The following TMOD1 variants were observed in gnomAD, a reference collection of about 807,000 sequenced individuals.
TMOD1 encodes the protein tropomodulin-1.
Under a neutral mutation model 40.6 loss-of-function variants are expected in TMOD1, and 17 were observed. The observed-to-expected ratio is 0.42, with a 90% CI of 0.29 to 0.63. The LOEUF (loss-of-function observed/expected upper bound fraction) is 0.63, where lower values mean the gene tolerates loss of function less well. TMOD1 is among the 20% of genes least tolerant of loss of function. TMOD1 has a pLI of 0.22. For missense variants in TMOD1, 391 were observed against 447.6 expected, an observed-to-expected ratio of 0.87 and a Z score of 1.14; for synonymous variants, 181 against 175.0, an observed-to-expected ratio of 1.03 and a Z score of -0.27.
Position 97,505,429 on chromosome 9 carries a change from G to A in TMOD1, c.-49+3626G>A, listed in dbSNP as rs567214124. ...TGGTGACCCCAGGGCCGTTTCTAGC[G>A]ATGATTCTGGAGGGTGATGAGTTGT... is the stretch of plus-strand genomic sequence containing the variant. On this transcript the variant is annotated intron_variant, in intron 1 of 9. Coordinates refer to ENST00000259365, the MANE Select transcript of TMOD1 (RefSeq NM_003275.4). 3.3e-5 allele frequency among the ~76,000 whole-genome samples: 5 copies of A among 152,294 alleles called. No individual in the cohort carries two copies. The South Asian group carries it at 8.3e-4, about 25-fold the overall frequency.
At chr9:97,563,143 T>C (rs1035332991) in intron 5 of TMOD1, among the ~76,000 whole-genome samples, 1 of 152,230 alleles carries the variant, frequency 6.6e-6, no homozygotes, top group African/African-American at 2.4e-5. Flanking sequence ...AGCCTGGACC[T>C]CCTGGGCTTA....
intron 1 of TMOD1, among the ~76,000 whole-genome samples, chr9:97,508,340 C>G (rs1829630835): frequency 6.6e-6 from 1 of 152,026 alleles, no homozygotes; most frequent in African/African-American, 2.4e-5. Context: ...AGGTGCACAC[C>G]ACCACACCTG....
intron 9 of TMOD1, among the ~76,000 whole-genome samples, chr9:97,597,065 T>C (rs2131297158): frequency 6.6e-6 from 1 of 152,332 alleles, no homozygotes; most frequent in East Asian, 1.9e-4. Context: ...AAAAACATGA[T>C]GGAAATGTTC....
At chr9:97,582,860 G>A (rs1332164089) in intron 8 of TMOD1, among the ~76,000 whole-genome samples, 1 of 148,180 alleles carries the variant, frequency 6.7e-6, no homozygotes, top group Admixed American at 6.8e-5. Flanking sequence ...TGTATCCTGA[G>A]ACTTTGCTGA....
intron 4 of TMOD1, among the ~76,000 whole-genome samples, chr9:97,559,730 A>C (rs1420665923): frequency 7.0e-6 from 1 of 142,290 alleles, no homozygotes; most frequent in African/African-American, 2.7e-5. Context: ...ATGCCATTGC[A>C]CTCCAGCCTG....
intron 5 of TMOD1, 50 bp from the exon 6 acceptor site, chr9:97,563,988 A>G: frequency 6.3e-7 from 1 of 1,588,950 alleles, no homozygotes; most frequent in South Asian, 1.2e-5. Flanking sequence ...GTTGGCAGAA[A>G]GTGAGCCCCT....
chr9:97,574,895 T>G (rs1396388626), intron 8 of TMOD1, among the ~76,000 whole-genome samples: 1 of 152,126 alleles, frequency 6.6e-6, no homozygotes, highest in Non-Finnish European at 1.5e-5. Context: ...TCAGGGATTG[T>G]AAACGCACCA....
chr9:97,514,241 G>GGC (rs1829761178), intron 1 of TMOD1, among the ~76,000 whole-genome samples: 2 of 60,212 alleles, frequency 3.3e-5, no homozygotes, highest in African/African-American at 1.1e-4. Flanking sequence ...TTTTTTTTTT[G>GGC]GGGGGGGGGT....
Position 97,600,633 on chromosome 9 carries a change from A to G in TMOD1, c.*935A>G. ...AGTAATGGCCCAGCTTAGAGACTTC[A>G]GCTACTGATCTCATCACTTATTAGA... On this transcript the variant is annotated 3_prime_UTR_variant, in exon 10 of 10. Transcript: ENST00000259365. 1 of 988,226 alleles carries G rather than the reference A, an allele frequency of 1.0e-6. No homozygotes were observed. Among genetic ancestry groups the G allele is most frequent in the Non-Finnish European group, 1.2e-6 (1 of 831,788 alleles). The allele number at this position is 988,226 out of a possible 1,614,324, so 61.2% of individuals were successfully genotyped here.
intron 2 of TMOD1, among the ~76,000 whole-genome samples, chr9:97,535,270 C>G (rs997377361): frequency 6.6e-6 from 1 of 152,122 alleles, no homozygotes; most frequent in South Asian, 2.1e-4. Context: ...CTGCTGGTCC[C>G]GGCAAGACTC....
intron 8 of TMOD1, among the ~76,000 whole-genome samples, chr9:97,574,565 G>C (rs2773355): frequency 0.49 from 75,250 of 152,172 alleles, 18,813 homozygotes; most frequent in Middle Eastern, 0.56. Context: ...TGCGGGCGCA[G>C]GGCGCGGGAC....
At chr9:97,589,142 G>T (rs986662743) in intron 8 of TMOD1, among the ~76,000 whole-genome samples, 30 of 148,010 alleles carry the variant, frequency 2.0e-4, no homozygotes, top group Admixed American at 6.1e-4. Flanking sequence ...AAAAGAAGAA[G>T]AATTAATATT....
In TMOD1 at chr9:97,601,507, C is replaced by T. The variant is rs562750191; in HGVS notation, c.*1809C>T. On this transcript the variant is annotated 3_prime_UTR_variant, in exon 10 of 10. Transcript: ENST00000259365. ...TATCAGAGGAAATCTCTCATAGAAA[C>T]GAAACCAAACCAACAGAAAATGAAG... 2.1e-4 allele frequency: 208 copies of T among 988,984 alleles called. 1 individual carries two copies. The Middle Eastern group carries it at 3.6e-3, about 17-fold the overall frequency. The allele number at this position is 988,984 out of a possible 1,614,324, so 61.3% of individuals were successfully genotyped here.
Position 97,502,197 on chromosome 9 carries a change from G to C in TMOD1, c.-49+394G>C, listed in dbSNP as rs1439184903. Among the ~76,000 whole-genome samples, 3 of 152,284 alleles carry C rather than the reference G, an allele frequency of 2.0e-5. No homozygotes were observed. In the East Asian group the frequency reaches 5.8e-4, roughly 30 times the overall value. ...CAGCGCGGCGGGGCTCTGAGCCCGC[G>C]GGGTGCTCAGCTGGGTACAGGTGCC... is the stretch of plus-strand genomic sequence containing the variant. On this transcript the variant is annotated intron_variant, in intron 1 of 9. Transcript: ENST00000259365. This position sits in a 1 kb window ranked among gnomAD's most constrained non-coding sequence, Gnocchi z 6.1.
intron 2 of TMOD1, among the ~76,000 whole-genome samples, chr9:97,542,471 A>G (rs950388885): frequency 6.6e-6 from 1 of 152,238 alleles, no homozygotes; most frequent in African/African-American, 2.4e-5. Flanking sequence ...GAAATACATT[A>G]AAAAATCTGT....
intron 8 of TMOD1, among the ~76,000 whole-genome samples, chr9:97,578,609 T>C (rs562074457): frequency 6.6e-6 from 1 of 152,192 alleles, no homozygotes; most frequent in South Asian, 2.1e-4. Flanking sequence ...AAGCCTTGGC[T>C]CTGTCATGAA....
chr9:97,553,359 C>G lies in TMOD1; in HGVS notation c.356C>G (p.Ala119Gly), dbSNP rs148848308. 11 of 1,614,054 alleles carry G rather than the reference C, an allele frequency of 6.8e-6. No homozygotes were observed. In the African/African-American group the frequency reaches 1.3e-4, roughly 20 times the overall value. ...ACGCTGGAACCGGAGCTGGAGGAAG[C>G]CTTGGCAAATGCTTCAGATGCAGAA... ...SVTLEPELEE[A>G]LANASDAELC... is the part of the protein sequence containing the mutation. The change falls in exon 4 of 10, where the codon GCC becomes GGC. Residue 119 changes from alanine to glycine, a missense_variant. By Grantham distance (60) the Ala-to-Gly change is moderately conservative. Transcript: ENST00000259365.
chr9:97,580,564 C>A (rs1389202121), intron 8 of TMOD1, among the ~76,000 whole-genome samples: 1 of 151,766 alleles, frequency 6.6e-6, no homozygotes, highest in African/African-American at 2.4e-5. Flanking sequence ...CGAGATTGCA[C>A]CACTACACTC....
chr9:97,591,200 A>G, intron 8 of TMOD1, 91 bp from the exon 9 acceptor site: 2 of 1,366,870 alleles, frequency 1.5e-6, no homozygotes, highest in South Asian at 3.0e-5. Flanking sequence ...CCACTACTCA[A>G]GAGTTTCTGC....
Sources: gnomAD v4.1 joint callset for allele counts (sites outside exome capture counted in the v4.1 genomes callset) on GRCh38, gnomAD v4.1.1 for gene constraint, Gnocchi (gnomAD v3.1) non-coding constraint, MANE v1.5 for transcripts, NCBI Gene and HGNC (gene_info 2026-07-23, HGNC 2026-07-21) for gene names.